The following ARHGAP15 variants were observed in gnomAD, a reference collection of about 807,000 sequenced individuals.
ARHGAP15 encodes rho GTPase-activating protein 15.
In ARHGAP15, 51 loss-of-function variants were observed where a neutral mutation model predicts 63.7. The ratio of observed to expected loss-of-function variants is 0.80; its 90% CI spans 0.64 to 1.01. ARHGAP15 has a LOEUF of 1.01. Ranked by LOEUF, ARHGAP15 falls within the 50% of genes least tolerant of loss-of-function variation. The pLI is 0.00. For synonymous variants in ARHGAP15, 191 were observed against 193.8 expected, an observed-to-expected ratio of 0.99 and a Z score of 0.12; for missense variants, 560 against 564.6, an observed-to-expected ratio of 0.99 and a Z score of 0.08.
intron 6 of ARHGAP15, among the ~76,000 whole-genome samples, chr2:143,422,418 C>CA (rs1201368109): frequency 6.6e-6 from 1 of 151,882 alleles, no homozygotes; most frequent in African/African-American, 2.4e-5. Context: ...ATGAAGCAGG[C>CA]AAAAAACTAT....
intron 6 of ARHGAP15, among the ~76,000 whole-genome samples, chr2:143,320,984 T>G (rs1156299393): frequency 6.6e-6 from 1 of 152,136 alleles, no homozygotes; most frequent in Non-Finnish European, 1.5e-5. Context: ...ACCAGGCTTT[T>G]GCCCGGGGCC....
intron 12 of ARHGAP15, among the ~76,000 whole-genome samples, chr2:143,702,959 G>T (rs930007709): frequency 6.6e-6 from 1 of 152,118 alleles, no homozygotes; most frequent in Non-Finnish European, 1.5e-5. Context: ...GCCATGTGAG[G>T]TAACATAGTC....
At chr2:143,130,572 A>G (rs937997916) in intron 1 of ARHGAP15, among the ~76,000 whole-genome samples, 1 of 152,110 alleles carries the variant, frequency 6.6e-6, no homozygotes, top group Non-Finnish European at 1.5e-5. Flanking sequence ...TCTTCTATTG[A>G]AAGACACACA....
intron 11 of ARHGAP15, among the ~76,000 whole-genome samples, chr2:143,621,754 T>G (rs1294277986): frequency 3.3e-5 from 5 of 152,136 alleles, no homozygotes; most frequent in Non-Finnish European, 7.4e-5. Context: ...TAAATTTTCT[T>G]TAGATATCAC....
intron 11 of ARHGAP15, among the ~76,000 whole-genome samples, chr2:143,607,257 T>C (rs1698074202): frequency 6.6e-6 from 1 of 152,162 alleles, no homozygotes; most frequent in Admixed American, 6.5e-5. Flanking sequence ...TGGAGAGTCT[T>C]ACTTAGCAGA....
chr2:143,446,634 C>CT (rs537526720), intron 8 of ARHGAP15, among the ~76,000 whole-genome samples: 14,293 of 145,518 alleles, frequency 0.098, 829 homozygotes, highest in African/African-American at 0.17. Context: ...CATTTCCATT[C>CT]TTTTTTTTTT....
rs557997273 is a variant in ARHGAP15 at position 143,410,074 on chromosome 2, C to T, written c.475-25527C>T. 1.7e-4 allele frequency among the ~76,000 whole-genome samples: 26 copies of T among 152,118 alleles called. No individual in the cohort carries two copies. The East Asian group carries it at 3.3e-3, about 19-fold the overall frequency. On this transcript the variant is annotated intron_variant, in intron 6 of 13. Transcript: ENST00000295095. ...TGATCTTTTAAATTGAACCAAAAAT[C>T]TTTCTGAAACCAGTGTTGGTACACA... is the stretch of plus-strand genomic sequence containing the variant.
chr2:143,491,858 C>A (rs1290701349), intron 9 of ARHGAP15, among the ~76,000 whole-genome samples: 1 of 151,848 alleles, frequency 6.6e-6, no homozygotes, highest in East Asian at 1.9e-4. Context: ...CTACACCAAG[C>A]CTCATCTTAG....
intron 6 of ARHGAP15, among the ~76,000 whole-genome samples, chr2:143,372,011 G>GAAATAAAT (rs10530096): frequency 0.019 from 2,845 of 147,984 alleles, 44 homozygotes; most frequent in South Asian, 0.088. Context: ...CGAGCCTATG[G>GAAATAAAT]AAATAAATAA....
At chr2:143,613,941 A>G (rs563383515) in intron 11 of ARHGAP15, among the ~76,000 whole-genome samples, 1 of 152,222 alleles carries the variant, frequency 6.6e-6, no homozygotes, top group Non-Finnish European at 1.5e-5. Flanking sequence ...TTTCAGTTGT[A>G]AGGACCTTCA....
At chr2:143,142,498 A>T (rs189280856) in intron 1 of ARHGAP15, among the ~76,000 whole-genome samples, 1,601 of 152,006 alleles carry the variant, frequency 0.011, 23 homozygotes, top group African/African-American at 0.034. Flanking sequence ...GCATTTTTTT[A>T]AAAAAAATCA....
intron 8 of ARHGAP15, among the ~76,000 whole-genome samples, chr2:143,440,024 T>C: frequency 6.6e-6 from 1 of 152,098 alleles, no homozygotes; most frequent in Non-Finnish European, 1.5e-5. Flanking sequence ...TCTTGGTGAG[T>C]ATGTATAGTT....
chr2:143,715,892 T>C (rs969015474), intron 13 of ARHGAP15, among the ~76,000 whole-genome samples: 6 of 152,234 alleles, frequency 3.9e-5, no homozygotes, highest in Non-Finnish European at 8.8e-5. Context: ...TTGAGTTTAT[T>C]TTTAAATATG....
intron 6 of ARHGAP15, among the ~76,000 whole-genome samples, chr2:143,398,090 TCCTCC>T (rs1248586950): frequency 6.6e-6 from 1 of 152,046 alleles, no homozygotes; most frequent in East Asian, 1.9e-4. Flanking sequence ...CTTTATTTCA[TCCTCC>T]CACTTAGCAA....
chr2:143,396,927 T>A (rs1345811655), intron 6 of ARHGAP15, among the ~76,000 whole-genome samples: 1 of 152,088 alleles, frequency 6.6e-6, no homozygotes, highest in Non-Finnish European at 1.5e-5. Flanking sequence ...CCTGCAACAG[T>A]AAAGGCGATG....
chr2:143,214,371 T>C (rs917260560), intron 3 of ARHGAP15, among the ~76,000 whole-genome samples: 1 of 152,192 alleles, frequency 6.6e-6, no homozygotes, highest in Admixed American at 6.5e-5. Context: ...GTAATTGCTA[T>C]TGAAAACATC....
intron 6 of ARHGAP15, among the ~76,000 whole-genome samples, chr2:143,273,286 TCAA>T (rs1282570085): frequency 6.6e-6 from 1 of 152,118 alleles, no homozygotes; most frequent in African/African-American, 2.4e-5. Flanking sequence ...AAAAAAAAAT[TCAA>T]CAAGCTCTAA....
chr2:143,637,552 C>A (rs1193528951), intron 12 of ARHGAP15, among the ~76,000 whole-genome samples: 1 of 152,038 alleles, frequency 6.6e-6, no homozygotes, highest in Non-Finnish European at 1.5e-5. Context: ...ACTACAAATT[C>A]ATTGTGCCTT....
rs58194704 is a variant in ARHGAP15 at position 143,407,987 on chromosome 2, GTATATATA to G, written c.475-27576_475-27569del. Among the ~76,000 whole-genome samples, 734 of 77,342 alleles carry G rather than the reference GTATATATA, an allele frequency of 9.5e-3. 6 individuals are homozygous for G. The highest frequency in any genetic ancestry group is 0.023 in the African/African-American group (520 of 22,412). The allele number at this position is 77,342 out of a possible 152,430, so 50.7% of individuals were successfully genotyped here. The stretch of plus-strand genomic sequence containing the variant: ...TTTTTAAAGTCTGACTTCTGTGTGT[GTATATATA>G]TATATATATATATATATATATATAT... On this transcript the variant is annotated intron_variant, in intron 6 of 13. Transcript: ENST00000295095.
Sources: gnomAD v4.1 joint callset for allele counts (sites outside exome capture counted in the v4.1 genomes callset) on GRCh38, gnomAD v4.1.1 for gene constraint, MANE v1.5 for transcripts, NCBI Gene and HGNC (gene_info 2026-07-23, HGNC 2026-07-21) for gene names.